RXFP1: variants seen among roughly 807,000 people sequenced by gnomAD.
RXFP1 encodes the protein relaxin family peptide receptor 1, also known as relaxin receptor 1.
Under a neutral mutation model 89.8 loss-of-function variants are expected in RXFP1, and 73 were observed. The observed-to-expected ratio is 0.81, with a 90% CI of 0.67 to 0.99. The LOEUF is 0.99. Among genes scored for constraint, RXFP1 ranks in the 50% least tolerant of loss-of-function variants. The pLI is 0.00. For missense variants in RXFP1, 793 were observed against 895.5 expected, an observed-to-expected ratio of 0.89 and a Z score of 1.46; for synonymous variants, 277 against 305.5, an observed-to-expected ratio of 0.91 and a Z score of 0.97.
chr4:158,527,776 G>A (rs1742960634), intron 1 of RXFP1, among the ~76,000 whole-genome samples: 1 of 151,626 alleles, frequency 6.6e-6, no homozygotes, highest in Non-Finnish European at 1.5e-5. Flanking sequence ...TTTTTGAGTT[G>A]GAAGGCAAGG....
chr4:158,532,812 C>G (rs1251628197), intron 1 of RXFP1, among the ~76,000 whole-genome samples: 1 of 152,202 alleles, frequency 6.6e-6, no homozygotes, highest in Non-Finnish European at 1.5e-5. Context: ...GGCCCTGTGT[C>G]TAGCTCACCC....
chr4:158,530,198 G>A (rs1397573464), intron 1 of RXFP1, among the ~76,000 whole-genome samples: 1 of 152,184 alleles, frequency 6.6e-6, no homozygotes, highest in Admixed American at 6.5e-5. Flanking sequence ...ATATGCGTGT[G>A]TGCCTGGACC....
chr4:158,548,515 CT>C (rs1487668025), intron 1 of RXFP1, among the ~76,000 whole-genome samples: 1 of 152,114 alleles, frequency 6.6e-6, no homozygotes, highest in Admixed American at 6.6e-5. Context: ...GGTTATTTTG[CT>C]CGTTAGTTGA....
chr4:158,531,911 T>C (rs1744127733), intron 1 of RXFP1, among the ~76,000 whole-genome samples: 1 of 96,674 alleles, frequency 1.0e-5, no homozygotes, highest in Non-Finnish European at 2.2e-5. Context: ...TTTCTGTTGG[T>C]TTGGGTATTT....
intron 1 of RXFP1, among the ~76,000 whole-genome samples, chr4:158,557,752 A>G (rs1432024234): frequency 2.0e-5 from 3 of 152,252 alleles, no homozygotes; most frequent in Non-Finnish European, 4.4e-5. Flanking sequence ...TAAAAGCGAG[A>G]TGCATTTATA....
intron 1 of RXFP1, among the ~76,000 whole-genome samples, chr4:158,549,468 G>T (rs906286267): frequency 1.3e-5 from 2 of 152,132 alleles, no homozygotes; most frequent in Admixed American, 1.3e-4. Context: ...CTCATTTTCC[G>T]TCCGGCTTTG....
At position 158,590,071 on chromosome 4, in the gene RXFP1, G is replaced by T. The variant is rs549367892; in HGVS notation, c.188-3330G>T. On this transcript the variant is annotated intron_variant, in intron 2 of 17. Coordinates refer to ENST00000307765, the MANE Select transcript of RXFP1 (RefSeq NM_021634.4). Reference sequence around the variant, plus strand: ...TGTCTCAAAAAAAAATTTTTTTAATGATATGACAAAATATGAATTCAACTT... The same window carrying T: ...TGTCTCAAAAAAAAATTTTTTTAATTATATGACAAAATATGAATTCAACTT... Among the ~76,000 whole-genome samples, 5 of 152,096 alleles carry T rather than the reference G, an allele frequency of 3.3e-5. 1 individual carries two copies. The South Asian group carries it at 8.3e-4, about 25-fold the overall frequency.
At chr4:158,643,406 T>C (rs1770777529) in intron 14 of RXFP1, among the ~76,000 whole-genome samples, 1 of 152,056 alleles carries the variant, frequency 6.6e-6, no homozygotes, top group African/African-American at 2.4e-5. Context: ...AGATATCTCT[T>C]TGATATGATT....
At chr4:158,561,717 T>G (rs1579621358) in intron 1 of RXFP1, among the ~76,000 whole-genome samples, 1 of 136,548 alleles carries the variant, frequency 7.3e-6, no homozygotes, top group South Asian at 2.4e-4. Context: ...AACCTCCACC[T>G]CCCGGGTTCA....
At chr4:158,568,443 G>T (rs1050545338) in intron 1 of RXFP1, among the ~76,000 whole-genome samples, 1 of 152,212 alleles carries the variant, frequency 6.6e-6, no homozygotes, top group African/African-American at 2.4e-5. Context: ...CTTCAAAGTA[G>T]CTGTAGCTGG....
chr4:158,613,301 A>G (rs894589666), intron 8 of RXFP1, among the ~76,000 whole-genome samples: 2 of 152,162 alleles, frequency 1.3e-5, no homozygotes, highest in African/African-American at 4.8e-5. Context: ...TAAGATAACA[A>G]TGAGGTTTGC....
chr4:158,634,428 C>G (rs59259670), intron 12 of RXFP1, among the ~76,000 whole-genome samples: 1 of 152,128 alleles, frequency 6.6e-6, no homozygotes, highest in Non-Finnish European at 1.5e-5. Flanking sequence ...ATGTTAACTT[C>G]TTTTCAGATA....
chr4:158,585,714 G>A (rs567195528), intron 2 of RXFP1, among the ~76,000 whole-genome samples: 28 of 152,010 alleles, frequency 1.8e-4, no homozygotes, highest in Non-Finnish European at 5.9e-5. Flanking sequence ...AGTCACTGAG[G>A]TATACAAAAA....
At chr4:158,562,585 A>T (rs1319092798) in intron 1 of RXFP1, among the ~76,000 whole-genome samples, 1 of 147,150 alleles carries the variant, frequency 6.8e-6, no homozygotes, top group African/African-American at 2.4e-5. Flanking sequence ...ATTTTATCAT[A>T]ACAGATCAAC....
intron 1 of RXFP1, among the ~76,000 whole-genome samples, chr4:158,556,406 A>G (rs1358075831): frequency 6.6e-6 from 1 of 152,190 alleles, no homozygotes; most frequent in Non-Finnish European, 1.5e-5. Context: ...ATTATCAAAA[A>G]ACCAGAAGAA....
chr4:158,538,810 A>C (rs1666440274), intron 1 of RXFP1, among the ~76,000 whole-genome samples: 1 of 151,882 alleles, frequency 6.6e-6, no homozygotes, highest in Non-Finnish European at 1.5e-5. Flanking sequence ...GTCTCAAAAA[A>C]AAAAAAAAAA....
At chr4:158,594,243 A>G (rs1438456154) in intron 3 of RXFP1, among the ~76,000 whole-genome samples, 1 of 152,136 alleles carries the variant, frequency 6.6e-6, no homozygotes, top group Non-Finnish European at 1.5e-5. Context: ...ACTTTCTCCC[A>G]TGTATCTGCT....
At chr4:158,596,060 A>T (rs1760521437) in intron 3 of RXFP1, among the ~76,000 whole-genome samples, 1 of 151,808 alleles carries the variant, frequency 6.6e-6, no homozygotes, top group Non-Finnish European at 1.5e-5. Flanking sequence ...GTGAGCTGTG[A>T]TTGAGCCACT....
At chr4:158,527,843 T>C (rs1742972032) in intron 1 of RXFP1, among the ~76,000 whole-genome samples, 1 of 152,192 alleles carries the variant, frequency 6.6e-6, no homozygotes, top group South Asian at 2.1e-4. Context: ...TAAGGCCATA[T>C]AGCTGTGTTC....
Sources: allele counts gnomAD v4.1 joint callset (sites outside exome capture counted in the v4.1 genomes callset), GRCh38; gene constraint gnomAD v4.1.1; transcripts MANE v1.5; gene names NCBI Gene and HGNC (gene_info 2026-07-23, HGNC 2026-07-21).